Variants in PTGR3 observed in about 807,000 individuals in gnomAD.
PTGR3 encodes prostaglandin reductase 3, also known as zinc binding alcohol dehydrogenase domain containing 2.
chr18:75,208,060 C>G, the PTGR3 span, among the ~76,000 whole-genome samples: 1 of 152,172 alleles, frequency 6.6e-6, no homozygotes. Flanking sequence ...CCTGTTGCTT[C>G]GCCAGTTACT....
chr18:75,208,174 C>A, the PTGR3 span, among the ~76,000 whole-genome samples: 1 of 152,196 alleles, frequency 6.6e-6, no homozygotes, highest in Non-Finnish European at 1.5e-5. Context: ...CAAAACGTGC[C>A]GGCAAAGGCA....
chr18:75,205,744 A>C, the PTGR3 span, among the ~76,000 whole-genome samples: 3 of 151,422 alleles, frequency 2.0e-5, no homozygotes, highest in African/African-American at 7.3e-5. Flanking sequence ...GAAAGAAAGA[A>C]AAGAAAAAGA....
chr18:75,208,941 G>C, the PTGR3 span: 8 of 1,590,472 alleles, frequency 5.0e-6, no homozygotes, highest in African/African-American at 1.4e-5. Context: ...GGGCTCAGCC[G>C]GGTCACCACC....
the PTGR3 span, among the ~76,000 whole-genome samples, chr18:75,205,860 C>T: frequency 1.4e-3 from 218 of 152,248 alleles, no homozygotes; most frequent in Middle Eastern, 0.01. Context: ...CACTGTTCCC[C>T]TTCCGTAAGC....
At chr18:75,201,498 C>A in the PTGR3 span, 162 of 1,613,994 alleles carry the variant, frequency 1.0e-4, no homozygotes, top group Admixed American at 1.0e-4. Flanking sequence ...ATTGACAGCA[C>A]GGAATATGGA....
chr18:75,205,795 G>GA, the PTGR3 span, among the ~76,000 whole-genome samples: 1 of 133,700 alleles, frequency 7.5e-6, no homozygotes, highest in Non-Finnish European at 1.6e-5. Context: ...AGAAAGACAA[G>GA]AAAAAAAGCG....
At chr18:75,208,829 G>A in the PTGR3 span, 2 of 1,471,992 alleles carry the variant, frequency 1.4e-6, no homozygotes, top group Non-Finnish European at 1.8e-6. Context: ...GGGGCGTGGG[G>A]TTGGGGGGCG....
At chr18:75,201,153 G>C in the PTGR3 span, 5 of 446,500 alleles carry the variant, frequency 1.1e-5, no homozygotes, top group African/African-American at 9.8e-5. Flanking sequence ...ATAACATCTG[G>C]AACGAGACCA....
At chr18:75,208,817 C>T in the PTGR3 span, 1 of 1,406,676 alleles carries the variant, frequency 7.1e-7, no homozygotes, top group Non-Finnish European at 9.3e-7. Flanking sequence ...GGGGCGAGAA[C>T]GGGGGCGTGG....
the PTGR3 span, among the ~76,000 whole-genome samples, chr18:75,208,168 A>ACGTGCCGGCAAAGGCAGC: frequency 6.6e-6 from 1 of 152,146 alleles, no homozygotes; most frequent in African/African-American, 2.4e-5. Flanking sequence ...TGTCTGCAAA[A>ACGTGCCGGCAAAGGCAGC]CGTGCCGGCA....
chr18:75,204,918 C>A, the PTGR3 span, among the ~76,000 whole-genome samples: 1 of 152,186 alleles, frequency 6.6e-6, no homozygotes, highest in Admixed American at 6.5e-5. Context: ...GCGGCTTGAC[C>A]GTGACCTTGG....
At chr18:75,202,216 T>C in the PTGR3 span, 2 of 1,614,150 alleles carry the variant, frequency 1.2e-6, no homozygotes, top group Non-Finnish European at 8.5e-7. Context: ...TATCTGGCAC[T>C]AGCAGAGAGG....
the PTGR3 span, chr18:75,201,585 A>C: frequency 1.2e-6 from 2 of 1,614,128 alleles, no homozygotes; most frequent in Admixed American, 3.3e-5. Flanking sequence ...GCTCACACAC[A>C]TCTCGAGCAA....
the PTGR3 span, chr18:75,208,729 T>C: frequency 9.8e-7 from 1 of 1,022,074 alleles, no homozygotes; most frequent in Non-Finnish European, 1.3e-6. Flanking sequence ...ACTCAGGCTG[T>C]GCGCCCGAGC....
the PTGR3 span, chr18:75,202,264 T>C: frequency 3.7e-6 from 6 of 1,614,128 alleles, no homozygotes; most frequent in Admixed American, 1.7e-5. Context: ...TCGAAACCTA[T>C]GTCAAAGGGA....
chr18:75,205,851 ACT>A, the PTGR3 span, among the ~76,000 whole-genome samples: 39 of 152,248 alleles, frequency 2.6e-4, no homozygotes, highest in Admixed American at 4.6e-4. Flanking sequence ...AGCAGAAAAC[ACT>A]GTTCCCCTTC....
chr18:75,202,665 CAAAA>C, the PTGR3 span, among the ~76,000 whole-genome samples: 1 of 79,092 alleles, frequency 1.3e-5, no homozygotes, highest in Admixed American at 1.3e-4. Flanking sequence ...TAGAAATAAG[CAAAA>C]AAAAAAAAAA....
chr18:75,202,135 T>C, the PTGR3 span: 3 of 1,614,134 alleles, frequency 1.9e-6, no homozygotes, highest in African/African-American at 2.7e-5. Flanking sequence ...GGAGTTGCAA[T>C]GCTGGCAGGC....
the PTGR3 span, among the ~76,000 whole-genome samples, chr18:75,206,082 AG>A: frequency 6.6e-6 from 1 of 152,192 alleles, no homozygotes; most frequent in Non-Finnish European, 1.5e-5. Flanking sequence ...TTCTTTTCTA[AG>A]GACTGAGCAT....
Sources: allele counts gnomAD v4.1 joint callset (sites outside exome capture counted in the v4.1 genomes callset), GRCh38; gene constraint gnomAD v4.1.1; transcripts MANE v1.5; gene names NCBI Gene and HGNC (gene_info 2026-07-23, HGNC 2026-07-21).